LCLAT1: variants seen among roughly 807,000 people sequenced by gnomAD.
LCLAT1 encodes the protein 1-AGP acyltransferase 8.
In LCLAT1, 11 loss-of-function variants were observed where a neutral mutation model predicts 30.7. The ratio of observed to expected loss-of-function variants is 0.36; its 90% CI spans 0.23 to 0.59. The LOEUF is 0.59. LCLAT1 is among the 20% of genes least tolerant of loss of function. LCLAT1 has a pLI of 0.77. For missense variants in LCLAT1, 402 were observed against 458.6 expected (o/e 0.88, Z 1.13); for synonymous variants, 155 against 151.3 (o/e 1.02, Z -0.18).
At chr2:30,561,725 A>G (rs780636272) in intron 3 of LCLAT1, among the ~76,000 whole-genome samples, 27 of 152,214 alleles carry the variant, frequency 1.8e-4, no homozygotes, top group Non-Finnish European at 3.7e-4. Context: ...GAGAATGCTT[A>G]TATACTTGAC....
At chr2:30,481,734 A>G (rs1235048339) in intron 1 of LCLAT1, among the ~76,000 whole-genome samples, 1 of 152,074 alleles carries the variant, frequency 6.6e-6, no homozygotes, top group Non-Finnish European at 1.5e-5. Flanking sequence ...TTGAGGAGGG[A>G]ATGGGAAGTG....
At chr2:30,534,977 C>T (rs1274655694) in intron 3 of LCLAT1, among the ~76,000 whole-genome samples, 1 of 152,016 alleles carries the variant, frequency 6.6e-6, no homozygotes. Context: ...TAACATTATA[C>T]CAATGACTTT....
chr2:30,489,509 T>C (rs829670), intron 1 of LCLAT1, among the ~76,000 whole-genome samples: 114,901 of 152,000 alleles, frequency 0.76, 43,971 homozygotes, highest in East Asian at 0.87. Flanking sequence ...CCTGCTGCCA[T>C]GCCCAGCTGA....
intron 5 of LCLAT1, among the ~76,000 whole-genome samples, chr2:30,583,213 T>G (rs1666279435): frequency 6.6e-6 from 1 of 152,218 alleles, no homozygotes; most frequent in African/African-American, 2.4e-5. Context: ...AGATCTTAAT[T>G]TGCAATTTGA....
chr2:30,493,090 C>T (rs1683913344), intron 1 of LCLAT1, among the ~76,000 whole-genome samples: 1 of 152,118 alleles, frequency 6.6e-6, no homozygotes, highest in South Asian at 2.1e-4. Flanking sequence ...GTGAGATTGT[C>T]TAGTGAAGCA....
intron 5 of LCLAT1, chr2:30,607,659 C>T (rs1030783720): frequency 2.0e-5 from 3 of 152,114 alleles, no homozygotes; most frequent in African/African-American, 7.2e-5. Context: ...TGTATTCCTT[C>T]TGCTTATAGT....
chr2:30,532,238 T>C (rs1175029477), intron 2 of LCLAT1, among the ~76,000 whole-genome samples: 1 of 152,190 alleles, frequency 6.6e-6, no homozygotes, highest in Non-Finnish European at 1.5e-5. Context: ...TTCCATTATA[T>C]GAGTATACCA....
intron 5 of LCLAT1, among the ~76,000 whole-genome samples, chr2:30,609,816 A>G (rs1667646553): frequency 6.6e-6 from 1 of 152,120 alleles, no homozygotes; most frequent in Non-Finnish European, 1.5e-5. Flanking sequence ...ACATATTTAT[A>G]TGTTGTACTT....
chr2:30,557,412 C>A (rs910658584), intron 3 of LCLAT1, among the ~76,000 whole-genome samples: 1 of 150,832 alleles, frequency 6.6e-6, no homozygotes, highest in Non-Finnish European at 1.5e-5. Flanking sequence ...GAAAAATTCA[C>A]ATCAATTTTT....
intron 1 of LCLAT1, among the ~76,000 whole-genome samples, chr2:30,460,563 A>G (rs1409660625): frequency 6.6e-6 from 1 of 152,198 alleles, no homozygotes; most frequent in Non-Finnish European, 1.5e-5. Context: ...TGAAGAATCT[A>G]TTATATCTGG....
At chr2:30,626,857 G>T (rs1046872486) in intron 5 of LCLAT1, among the ~76,000 whole-genome samples, 1 of 151,322 alleles carries the variant, frequency 6.6e-6, no homozygotes, top group Non-Finnish European at 1.5e-5. Flanking sequence ...TTTTCCTTTT[G>T]ATTTTATCTT....
Position 30,471,271 on chromosome 2 carries a change from G to A in LCLAT1, c.-5+23888G>A, listed in dbSNP as rs571282080. On this transcript the variant is annotated intron_variant, in intron 1 of 5. Coordinates refer to ENST00000379509, the MANE Select transcript of LCLAT1 (RefSeq NM_001002257.3). ...GTTGCCCAGGCTGGAGTGCAGTGGTGTGATCTCAGCTCACTGCAACCTCCG... is the reference window on the plus strand; with the variant it reads ...GTTGCCCAGGCTGGAGTGCAGTGGTATGATCTCAGCTCACTGCAACCTCCG... Among the ~76,000 whole-genome samples the A allele has an allele frequency of 1.1e-4, 16 of 151,582 alleles. No individual in the cohort carries two copies. In the East Asian group the frequency reaches 3.1e-3, roughly 30 times the overall value.
intron 5 of LCLAT1, among the ~76,000 whole-genome samples, chr2:30,609,998 A>G (rs546455348): frequency 1.3e-5 from 2 of 152,238 alleles, no homozygotes; most frequent in East Asian, 1.9e-4. Flanking sequence ...TCTTAACATA[A>G]TTTTAAGCAC....
intron 1 of LCLAT1, chr2:30,476,476 G>C (rs1005830866): frequency 8.8e-6 from 4 of 456,460 alleles, no homozygotes; most frequent in Non-Finnish European, 1.3e-5. Context: ...ATTCTTACAG[G>C]AACGCAGGCC....
intron 3 of LCLAT1, among the ~76,000 whole-genome samples, chr2:30,541,394 A>T (rs1285897382): frequency 1.3e-5 from 2 of 151,820 alleles, no homozygotes; most frequent in Admixed American, 1.3e-4. Flanking sequence ...CCTGTCTCTT[A>T]AAAAAGAAAA....
intron 2 of LCLAT1, among the ~76,000 whole-genome samples, chr2:30,526,832 T>C (rs1685744761): frequency 6.6e-6 from 1 of 152,242 alleles, no homozygotes; most frequent in South Asian, 2.1e-4. Flanking sequence ...TAATTTCTTT[T>C]CTGGCTTTCA....
At chr2:30,531,031 C>G (rs1340325791) in intron 2 of LCLAT1, among the ~76,000 whole-genome samples, 1 of 152,046 alleles carries the variant, frequency 6.6e-6, no homozygotes, top group East Asian at 1.9e-4. Flanking sequence ...TTTTGGAGGC[C>G]AAGGCGGGCG....
chr2:30,454,493 C>G (rs975136202), intron 1 of LCLAT1, among the ~76,000 whole-genome samples: 1 of 152,034 alleles, frequency 6.6e-6, no homozygotes, highest in African/African-American at 2.4e-5. Flanking sequence ...CTCTGTTGCC[C>G]AGACTGGATT....
At chr2:30,508,733 G>A (rs1290618802) in intron 1 of LCLAT1, among the ~76,000 whole-genome samples, 1 of 152,064 alleles carries the variant, frequency 6.6e-6, no homozygotes, top group African/African-American at 2.4e-5. Context: ...TAAGCAAAAA[G>A]TGAAGAGCTC....
Sources: allele counts gnomAD v4.1 joint callset (sites outside exome capture counted in the v4.1 genomes callset), GRCh38; gene constraint gnomAD v4.1.1; transcripts MANE v1.5; gene names NCBI Gene and HGNC (gene_info 2026-07-23, HGNC 2026-07-21).